The following INTS6 variants were observed in gnomAD, a reference collection of about 807,000 sequenced individuals.
The protein encoded by INTS6 is DEAD box protein.
Under a neutral mutation model 104.9 loss-of-function variants are expected in INTS6, and 16 were observed. The ratio of observed to expected loss-of-function variants is 0.15; its 90% CI spans 0.10 to 0.23. INTS6 has a LOEUF of 0.23. Ranked by LOEUF, INTS6 falls within the 10% of genes least tolerant of loss-of-function variation. The probability of loss-of-function intolerance (pLI) is 1.00; values close to 1 mark genes in which losing one functional copy is unlikely to be tolerated. For synonymous variants in INTS6, 324 were observed against 358.7 expected (o/e 0.90, Z 1.09); for missense variants, 584 against 1,062.8 (o/e 0.55, Z 6.26).
the INTS6 span, among the ~76,000 whole-genome samples, chr13:51,336,555 G>C: frequency 9.8e-4 from 149 of 152,244 alleles, no homozygotes; most frequent in Admixed American, 9.8e-4. Context: ...TAGTCCAGCC[G>C]GTTACATGAC....
intron 4 of INTS6, among the ~76,000 whole-genome samples, chr13:51,426,348 C>T (rs1278675615): frequency 1.3e-5 from 2 of 151,972 alleles, no homozygotes; most frequent in Admixed American, 6.6e-5. Context: ...TTTTTCCTGC[C>T]GCTAGGAAAA....
At chr13:51,424,060 T>G (rs1306572485) in intron 4 of INTS6, among the ~76,000 whole-genome samples, 2 of 152,060 alleles carry the variant, frequency 1.3e-5, no homozygotes, top group African/African-American at 4.8e-5. Flanking sequence ...AAAGCTACTG[T>G]TCTAAATACC....
intron 4 of INTS6, among the ~76,000 whole-genome samples, chr13:51,429,035 T>C (rs1957035289): frequency 6.6e-6 from 1 of 152,130 alleles, no homozygotes; most frequent in Non-Finnish European, 1.5e-5. Flanking sequence ...AATAACCCTA[T>C]GAAGTAAGGC....
intron 3 of INTS6, chr13:51,448,546 GT>G (rs1340769190): frequency 6.6e-6 from 1 of 152,062 alleles, no homozygotes; most frequent in East Asian, 1.9e-4. Context: ...ATTCAAAGAT[GT>G]TTTATCTGTA....
chr13:51,336,392 C>G, the INTS6 span, among the ~76,000 whole-genome samples: 1 of 152,124 alleles, frequency 6.6e-6, no homozygotes, highest in African/African-American at 2.4e-5. Flanking sequence ...GAGGCTGAGG[C>G]AGGAGAATTG....
chr13:51,340,773 G>C, the INTS6 span: 1 of 425,998 alleles, frequency 2.3e-6, no homozygotes, highest in Admixed American at 4.0e-5. Context: ...CTTTGCTTCT[G>C]ATCTGACCAG....
At chr13:51,420,168 A>C (rs1253447084) in intron 4 of INTS6, among the ~76,000 whole-genome samples, 6 of 152,148 alleles carry the variant, frequency 3.9e-5, no homozygotes, top group African/African-American at 1.4e-4. Context: ...TCCTTTGTAT[A>C]AATTTTTTCC....
At chr13:51,377,004 T>C (rs1343768196) in intron 12 of INTS6, among the ~76,000 whole-genome samples, 1 of 152,200 alleles carries the variant, frequency 6.6e-6, no homozygotes, top group Non-Finnish European at 1.5e-5. Context: ...CTATTTTCTA[T>C]CAGTAATGTT....
At position 51,451,122 on chromosome 13, in the gene INTS6, T is replaced by A; in HGVS notation, c.242A>T (p.Gln81Leu). 1 of 1,578,552 alleles carries A rather than the reference T, an allele frequency of 6.3e-7. No homozygotes were observed. The highest frequency in any genetic ancestry group is 8.6e-7 in the Non-Finnish European group (1 of 1,165,204). Residue 81 changes from glutamine (Q) to leucine (L), a missense_variant, in exon 3 of 18, where the codon CAG (glutamine) becomes CTG (leucine). Physicochemically the swap from Gln to Leu is moderately radical, Grantham distance 113. Around this residue, in one of 5 missense-constraint regions of INTS6, gnomAD observed 70 missense variants for 190.3 expected, o/e 0.37. Coordinates refer to ENST00000311234, the MANE Select transcript of INTS6 (RefSeq NM_012141.3). ...ATFMNELKNL[Q>L]AEGLTTLGQS... is the part of the protein sequence containing the mutation. ...GCCAAGAGTCGTAAGTCCTTCAGCC[T>A]GAAGGTTTTTCAATTCATTCATAAA...
chr13:51,418,944 G>C (rs1027154178), intron 4 of INTS6, among the ~76,000 whole-genome samples: 4 of 152,116 alleles, frequency 2.6e-5, no homozygotes, highest in African/African-American at 9.7e-5. Context: ...AAAGATCCCT[G>C]TGCCCATTTG....
intron 10 of INTS6, among the ~76,000 whole-genome samples, chr13:51,379,834 G>A (rs554406826): frequency 1.3e-5 from 2 of 152,116 alleles, no homozygotes; most frequent in Admixed American, 6.5e-5. Flanking sequence ...GGTACCACTG[G>A]GAGAAACTAG....
intron 3 of INTS6, chr13:51,441,908 C>G (rs1269801859): frequency 6.6e-6 from 1 of 151,688 alleles, no homozygotes; most frequent in Non-Finnish European, 1.5e-5. Context: ...GCAACCTCCA[C>G]CTCCTAGGTT....
Position 51,452,812 on chromosome 13 carries a change from C to CG in INTS6, c.-288dup. On this transcript the variant is annotated 5_prime_UTR_variant, in exon 1 of 18. Coordinates refer to ENST00000311234, the MANE Select transcript of INTS6 (RefSeq NM_012141.3). The surrounding 1 kb of genome is among the most constrained non-coding windows in gnomAD (Gnocchi z 4.2). ...CGTCTGTCTGTCGGTTCGTCCCCCC[C>CG]GCCTCGGGGGTCCCGTCCCCGCTCC... 3 of 1,177,374 alleles carry CG rather than the reference C, an allele frequency of 2.5e-6. No individual in the cohort carries two copies. The highest frequency in any genetic ancestry group is 1.8e-5 in the South Asian group (1 of 55,280). The allele number at this position is 1,177,374 out of a possible 1,614,324, so 72.9% of individuals were successfully genotyped here. A position where few individuals can be genotyped will look rare whatever the true frequency, so the allele number is the denominator to read the frequency against.
intron 4 of INTS6, among the ~76,000 whole-genome samples, chr13:51,404,983 T>C (rs1408256777): frequency 6.6e-6 from 1 of 152,212 alleles, no homozygotes; most frequent in African/African-American, 2.4e-5. Context: ...TGTGTTATGA[T>C]ATGTACAACA....
intron 4 of INTS6, among the ~76,000 whole-genome samples, chr13:51,424,874 C>G (rs1455210143): frequency 6.6e-6 from 1 of 151,820 alleles, no homozygotes; most frequent in African/African-American, 2.4e-5. Flanking sequence ...CCTTACAGAT[C>G]TTTTCAAAAA....
chr13:51,379,314 G>A (rs1956001628), intron 11 of INTS6, 148 bp downstream of exon 11: 2 of 407,592 alleles, frequency 4.9e-6, no homozygotes, highest in Non-Finnish European at 8.8e-6. Context: ...ATGTGAGACA[G>A]AATTATGTAA....
chr13:51,402,281 T>G (rs1329709869), intron 4 of INTS6, among the ~76,000 whole-genome samples: 5 of 152,176 alleles, frequency 3.3e-5, no homozygotes, highest in Admixed American at 6.5e-5. Context: ...TTTTCAGAGA[T>G]GAACTGTAAT....
intron 3 of INTS6, chr13:51,437,701 A>T (rs1026577059): frequency 6.6e-6 from 1 of 152,208 alleles, no homozygotes; most frequent in African/African-American, 2.4e-5. Flanking sequence ...GGCCAATCTG[A>T]AAATAATTGG....
At chr13:51,367,172 A>C (rs1365958098) in intron 17 of INTS6, among the ~76,000 whole-genome samples, 1 of 152,022 alleles carries the variant, frequency 6.6e-6, no homozygotes, top group Non-Finnish European at 1.5e-5. Flanking sequence ...ATTATTTATA[A>C]TACTAATACA....
Sources: allele counts gnomAD v4.1 joint callset (sites outside exome capture counted in the v4.1 genomes callset), GRCh38; gene constraint gnomAD v4.1.1; regional missense constraint gnomAD v4.1.1; non-coding constraint Gnocchi (gnomAD v3.1); transcripts MANE v1.5; gene names NCBI Gene and HGNC (gene_info 2026-07-23, HGNC 2026-07-21).